ATXN7L2: variants seen among roughly 807,000 people sequenced by gnomAD.
ATXN7L2 encodes the protein ataxin 7 like 2, also known as ataxin-7-like protein 2.
Under a neutral mutation model 59.6 loss-of-function variants are expected in ATXN7L2, and 17 were observed. The ratio of observed to expected loss-of-function variants is 0.29; its 90% CI spans 0.20 to 0.43. ATXN7L2 has a LOEUF of 0.43. ATXN7L2 is among the 20% of genes least tolerant of loss of function. The pLI, the probability that ATXN7L2 is intolerant of heterozygous loss-of-function variation, is 1.00. For missense variants in ATXN7L2, 858 were observed against 1,008.9 expected (o/e 0.85, Z 2.03); for synonymous variants, 378 against 392.5 (o/e 0.96, Z 0.44).
intron 1 of ATXN7L2, among the ~76,000 whole-genome samples, chr1:109,484,704 C>T (rs909919378): frequency 6.6e-6 from 1 of 152,184 alleles, no homozygotes; most frequent in African/African-American, 2.4e-5. Context: ...TCTCTAGGCC[C>T]CTGAGTGCCT....
rs1185239062 is a variant in ATXN7L2, at chr1:109,486,075, G to C, written c.146G>C (p.Ser49Thr). ...CCTCTAGGGGCTGAGCTGGAGGAGA[G>C]TAGCAAAAACACGAAGAAGTTGGAT... ...PAADGAELEE[S>T]SKNTKKLDAM... The change falls in exon 2 of 11, where the codon AGT becomes ACT. Residue 49 changes from serine (S) to threonine (T), a missense_variant. Ser to Thr is a moderately conservative substitution (Grantham distance 58). Coordinates refer to ENST00000683729, the MANE Select transcript of ATXN7L2 (RefSeq NM_001350175.2). This position sits in a 1 kb window ranked among gnomAD's most constrained non-coding sequence, Gnocchi z 4.3. The C allele has an allele frequency of 6.3e-7, 1 of 1,598,974 alleles. No individual in the cohort carries two copies. Among genetic ancestry groups the C allele is most frequent in the African/African-American group, 1.3e-5 (1 of 74,252 alleles).
In ATXN7L2 at chr1:109,486,032, C is replaced by T. The variant is rs752111160; in HGVS notation, c.128-25C>T. On this transcript the variant is annotated intron_variant, in intron 1 of 10. Transcript: ENST00000683729. The surrounding 1 kb of genome is among the most constrained non-coding windows in gnomAD (Gnocchi z 4.3). ...AGACTCTCTAAAACTGGCCCTGACC[C>T]TTCTGAGCTGTGTTTCTCCTCTAGG... 1.9e-6 allele frequency: 3 copies of T among 1,554,926 alleles called. No homozygotes were observed. Among genetic ancestry groups the T allele is most frequent in the East Asian group, 4.6e-5 (2 of 43,384 alleles).
At position 109,491,501 on chromosome 1, in the gene ATXN7L2, G is replaced by A; in HGVS notation, c.2034G>A (p.Glu678=). The A allele has an allele frequency of 6.2e-7, 1 of 1,613,984 alleles. No individual in the cohort carries two copies. The highest frequency in any genetic ancestry group is 8.5e-7 in the Non-Finnish European group (1 of 1,180,044). The change falls in exon 10 of 11, where the codon GAG becomes GAA. Residue 678 remains glutamate, a synonymous_variant. Coordinates refer to ENST00000683729, the MANE Select transcript of ATXN7L2 (RefSeq NM_001350175.2). The surrounding 1 kb of genome is among the most constrained non-coding windows in gnomAD (Gnocchi z 4.1). ...LPTPVKASQL[E]NRGAAGHPAK... is the part of the protein sequence containing the mutation. ...CACCAGTCAAGGCTTCTCAGCTGGA[G>A]AACCGGGGAGCAGCTGGACACCCAG...
chr1:109,487,474 C>G, intron 4 of ATXN7L2, 44 bp from the exon 5 acceptor site: 3 of 1,451,228 alleles, frequency 2.1e-6, no homozygotes, highest in Non-Finnish European at 2.7e-6. Context: ...CCAGGCCTCG[C>G]CTCCCCTCCC....
chr1:109,485,306 CTAAGA>C (rs901619409), intron 1 of ATXN7L2: 45 of 985,066 alleles, frequency 4.6e-5, no homozygotes, highest in Non-Finnish European at 5.4e-5. Flanking sequence ...CTTTGCACAG[CTAAGA>C]TGTTTTTGTC....
Position 109,486,319 on chromosome 1 carries a change from A to G in ATXN7L2, c.194-187A>G. On this transcript the variant is annotated intron_variant, in intron 2 of 10. Coordinates refer to ENST00000683729, the MANE Select transcript of ATXN7L2 (RefSeq NM_001350175.2). The surrounding 1 kb of genome is among the most constrained non-coding windows in gnomAD (Gnocchi z 4.3). ...CATAATCATAGGTGATTGCCCACTC[A>G]CCTGAAAGCGTATACCCTTTGGGAC... The G allele has an allele frequency of 2.0e-6, 2 of 987,016 alleles. No individual in the cohort carries two copies. The highest frequency in any genetic ancestry group is 2.9e-6 in the Non-Finnish European group (2 of 692,024). The allele number at this position is 987,016 out of a possible 1,614,324, so 61.1% of individuals were successfully genotyped here. A position where few individuals can be genotyped will look rare whatever the true frequency, so the allele number is the denominator to read the frequency against.
chr1:109,485,149 T>G, intron 1 of ATXN7L2: 13 of 533,912 alleles, frequency 2.4e-5, no homozygotes, highest in Non-Finnish European at 3.1e-5. Context: ...GATGGGGCCA[T>G]TGTCAGGGTC....
rs536399561 is a variant in ATXN7L2 at position 109,485,134 on chromosome 1, G to T, written c.128-923G>T. The T allele has an allele frequency of 1.3e-5, 6 of 463,412 alleles. No individual in the cohort carries two copies. The South Asian group carries it at 5.4e-4, about 42-fold the overall frequency. The allele number at this position is 463,412 out of a possible 1,614,324, so 28.7% of individuals were successfully genotyped here. A position where few individuals can be genotyped will look rare whatever the true frequency, so the allele number is the denominator to read the frequency against. ...CCTGGGGCTGCCCCATGCTGGGTGG[G>T]CAAAGATGGGGCCATTGTCAGGGTC... is the stretch of plus-strand genomic sequence containing the variant. On this transcript the variant is annotated intron_variant, in intron 1 of 10. Transcript: ENST00000683729.
chr1:109,489,207 C>G, intron 7 of ATXN7L2, 107 bp downstream of exon 7: 7 of 1,405,910 alleles, frequency 5.0e-6, no homozygotes, highest in South Asian at 4.2e-5. Flanking sequence ...GGCACTCCCT[C>G]AGCCCTGAGT....
intron 7 of ATXN7L2, 101 bp downstream of exon 7, chr1:109,489,201 C>G: frequency 7.0e-7 from 1 of 1,435,720 alleles, no homozygotes; most frequent in Non-Finnish European, 9.4e-7. Context: ...GGAAGAGGCA[C>G]TCCCTCAGCC....
chr1:109,490,087 C>G lies in ATXN7L2; in HGVS notation c.1291C>G (p.Pro431Ala), dbSNP rs781395725. ...EGTSDDLHPP[P>A]DCHYATRPPR... is the part of the protein sequence containing the mutation. ...GACATCTGACGACCTCCACCCACCC[C>G]CTGACTGCCATTATGCAACCCGGCC... Residue 431 changes from proline (P) to alanine (A), a missense_variant, in exon 8 of 11, where the codon CCT (proline) becomes GCT (alanine). Physicochemically the swap from Pro to Ala is conservative, Grantham distance 27. Coordinates refer to ENST00000683729, the MANE Select transcript of ATXN7L2 (RefSeq NM_001350175.2). 4 of 1,594,502 alleles carry G rather than the reference C, an allele frequency of 2.5e-6. No homozygotes were observed. The highest frequency in any genetic ancestry group is 3.4e-6 in the Non-Finnish European group (4 of 1,169,862).
At position 109,489,111 on chromosome 1, in the gene ATXN7L2, A is replaced by G; in HGVS notation, c.1133+11A>G. 6.2e-7 allele frequency: 1 copy of G among 1,603,648 alleles called. No homozygotes were observed. Among genetic ancestry groups the G allele is most frequent in the Non-Finnish European group, 8.5e-7 (1 of 1,171,938 alleles). ...CTGTGCACTGCCCAGGTACGTCTAG[A>G]ATCCAACCCCTACCTCACCTGGGGG... On this transcript the variant is annotated intron_variant, in intron 7 of 10. Transcript: ENST00000683729.
Position 109,484,069 on chromosome 1 carries a change from C to T in ATXN7L2, c.116C>T (p.Pro39Leu). 2.6e-6 allele frequency: 4 copies of T among 1,517,800 alleles called. No individual in the cohort carries two copies. The highest frequency in any genetic ancestry group is 3.5e-6 in the Non-Finnish European group (4 of 1,130,018). 94.0% of individuals were successfully genotyped at this position (1,517,800 alleles called of 1,614,324 possible). A position where few individuals can be genotyped will look rare whatever the true frequency, so the allele number is the denominator to read the frequency against. The change falls in exon 1 of 11, where the codon CCC (proline) becomes CTC (leucine). Residue 39 changes from proline to leucine, a missense_variant. Pro to Leu is a moderately conservative substitution (Grantham distance 98, BLOSUM62 -3). Coordinates refer to ENST00000683729, the MANE Select transcript of ATXN7L2 (RefSeq NM_001350175.2). ...WSSWVERADL[P>L]AADGAELEES... Reference sequence around the variant, plus strand: ...TCGTGGGTGGAGCGGGCCGACCTGCCCGCGGCTGACGGTGAGTAAAGCCAC... The same window carrying T: ...TCGTGGGTGGAGCGGGCCGACCTGCTCGCGGCTGACGGTGAGTAAAGCCAC...
rs1183240191 is a variant in ATXN7L2 at position 109,487,068 on chromosome 1, T to C, written c.360T>C (p.Pro120=). ...GGGCCCCACCCCCACCTCCAGCCCC[T>C]GCCAGCTCTCAGAAATGCCATGTAG... is the stretch of plus-strand genomic sequence containing the variant. ...YGRAPPPPPA[P]ASSQKCHVVN... Residue 120 remains proline, a synonymous_variant, in exon 4 of 11, where the codon CCT becomes CCC. Coordinates refer to ENST00000683729, the MANE Select transcript of ATXN7L2 (RefSeq NM_001350175.2). The C allele has an allele frequency of 1.9e-6, 3 of 1,607,820 alleles. No homozygotes were observed. The East Asian group carries it at 6.7e-5, about 36-fold the overall frequency.
chr1:109,492,183 A>AT (rs1657137417), intron 10 of ATXN7L2: 1 of 914,664 alleles, frequency 1.1e-6, no homozygotes, highest in Admixed American at 4.9e-5. Flanking sequence ...ATGTCCACTT[A>AT]TGCACATGTG....
intron 8 of ATXN7L2, 24 bp from the exon 9 acceptor site, chr1:109,490,247 C>T (rs1453880299): frequency 2.5e-6 from 4 of 1,612,474 alleles, no homozygotes; most frequent in Non-Finnish European, 3.4e-6. Flanking sequence ...CCCTGCCAAC[C>T]ATGCACCTTC....
In ATXN7L2 at chr1:109,489,817, C is replaced by T. The variant is rs866763718; in HGVS notation, c.1134-113C>T. On this transcript the variant is annotated intron_variant, in intron 7 of 10. Transcript: ENST00000683729. Reference sequence around the variant, plus strand: ...TTCCCTCTGTCCTCTTCTGATTGCCCTGCAGGGTGTCTGCCCTGGTGCCCT... The same window carrying T: ...TTCCCTCTGTCCTCTTCTGATTGCCTTGCAGGGTGTCTGCCCTGGTGCCCT... 4.8e-5 allele frequency: 53 copies of T among 1,094,670 alleles called. 3 individuals carry two copies. The highest frequency in any genetic ancestry group is 6.1e-4 in the Middle Eastern group (2 of 3,296). 67.8% of individuals were successfully genotyped at this position (1,094,670 alleles called of 1,614,324 possible).
chr1:109,489,839 C>G (rs964530478), intron 7 of ATXN7L2, 91 bp from the exon 8 acceptor site: 1 of 1,404,918 alleles, frequency 7.1e-7, no homozygotes, highest in Non-Finnish European at 9.9e-7. Context: ...TGCCCTGGTG[C>G]CCTGCTCTTT....
chr1:109,489,773 G>C (rs1011500059), intron 7 of ATXN7L2, 157 bp from the exon 8 acceptor site: 2 of 739,398 alleles, frequency 2.7e-6, no homozygotes, highest in African/African-American at 3.5e-5. Context: ...GAGCTGTGTC[G>C]TTCCCTCCTG....
Sources: allele counts gnomAD v4.1 joint callset (sites outside exome capture counted in the v4.1 genomes callset), GRCh38; gene constraint gnomAD v4.1.1; non-coding constraint Gnocchi (gnomAD v3.1); transcripts MANE v1.5; gene names NCBI Gene and HGNC (gene_info 2026-07-23, HGNC 2026-07-21).